ZFP64: variants seen among roughly 807,000 people sequenced by gnomAD.
ZFP64 encodes zinc finger protein 64.
Under a neutral mutation model 51.6 loss-of-function variants are expected in ZFP64, and 14 were observed. The ratio of observed to expected loss-of-function variants is 0.27; its 90% CI spans 0.18 to 0.42. The LOEUF is 0.42. Ranked by LOEUF, ZFP64 falls within the 10% of genes least tolerant of loss-of-function variation. The pLI is 1.00. For synonymous variants in ZFP64, 375 were observed against 361.4 expected, an observed-to-expected ratio of 1.04 and a Z score of -0.43; for missense variants, 754 against 906.8, an observed-to-expected ratio of 0.83 and a Z score of 2.16.
chr20:52,085,491 G>A lies in ZFP64; in HGVS notation c.1229-225C>T, dbSNP rs1774800095. 6.6e-6 allele frequency among the ~76,000 whole-genome samples: 1 copy of A among 152,214 alleles called. No individual in the cohort carries two copies. Among genetic ancestry groups the A allele is most frequent in the Admixed American group, 6.5e-5 (1 of 15,286 alleles). On this transcript the variant is annotated intron_variant, in intron 8 of 8. Transcript: ENST00000361387. This position sits in a 1 kb window ranked among gnomAD's most constrained non-coding sequence, Gnocchi z 4.3. ...TTACAGATGGGACAACTGAGGCTCA[G>A]AGAGGTCAAGTTACTTGGCTCAGGT...
At chr20:52,110,400 T>C (rs897084184) in intron 5 of ZFP64, 1 of 563,884 alleles carries the variant, frequency 1.8e-6, no homozygotes, top group Non-Finnish European at 3.2e-6. Context: ...ATGTTTAAGC[T>C]CTTCTGGAGC....
chr20:52,180,153 T>C (rs1983510024), intron 2 of ZFP64, among the ~76,000 whole-genome samples: 1 of 152,226 alleles, frequency 6.6e-6, no homozygotes, highest in South Asian at 2.1e-4. Flanking sequence ...GGCCTACCTG[T>C]GGGCCAGCCC....
chr20:52,118,895 C>T (rs367601134), intron 5 of ZFP64, among the ~76,000 whole-genome samples: 7 of 152,282 alleles, frequency 4.6e-5, no homozygotes, highest in African/African-American at 1.7e-4. Context: ...GTAATGCCAA[C>T]ACATTGGGAG....
chr20:52,170,222 T>C lies in ZFP64; in HGVS notation c.287-4197A>G, dbSNP rs188963159. ...ATCCCAGCACTTTGGGAGCCTGAGG[T>C]GGGCGGATCATTTGAGGTCAGGAGT... On this transcript the variant is annotated intron_variant, in intron 2 of 5. Coordinates refer to ENST00000216923, the MANE Select transcript of ZFP64 (RefSeq NM_018197.3). 4.5e-3 allele frequency among the ~76,000 whole-genome samples: 681 copies of C among 151,408 alleles called. 10 individuals are homozygous for C. Among genetic ancestry groups the C allele is most frequent in the African/African-American group, 0.016 (640 of 41,258 alleles).
chr20:52,168,930 C>T (rs1982495106), intron 2 of ZFP64, among the ~76,000 whole-genome samples: 1 of 152,188 alleles, frequency 6.6e-6, no homozygotes, highest in Non-Finnish European at 1.5e-5. Context: ...TGTTCACATG[C>T]ACAGCAAGGT....
chr20:52,110,191 G>A (rs931062002), intron 5 of ZFP64, among the ~76,000 whole-genome samples: 3 of 151,966 alleles, frequency 2.0e-5, no homozygotes, highest in Non-Finnish European at 2.9e-5. Context: ...TGGCTACATC[G>A]GCATCAACGT....
At chr20:52,103,002 G>A (rs1051452205) in intron 5 of ZFP64, among the ~76,000 whole-genome samples, 1 of 152,104 alleles carries the variant, frequency 6.6e-6, no homozygotes, top group East Asian at 1.9e-4. Flanking sequence ...GACCCAGATA[G>A]AGCCTCTGAT....
intron 5 of ZFP64, among the ~76,000 whole-genome samples, chr20:52,103,524 C>A (rs1050032204): frequency 3.3e-5 from 5 of 152,202 alleles, no homozygotes; most frequent in Non-Finnish European, 7.3e-5. Flanking sequence ...ACGCACGACA[C>A]CCTCCCCATG....
intron 5 of ZFP64, among the ~76,000 whole-genome samples, chr20:52,118,475 G>C (rs1978996424): frequency 6.6e-6 from 1 of 152,188 alleles, no homozygotes; most frequent in African/African-American, 2.4e-5. Flanking sequence ...CTCCTGAGAA[G>C]AATGAATTCC....
chr20:52,084,590 G>A (rs753074279), exon 9 of ZFP64: 47 of 1,613,736 alleles, frequency 2.9e-5, no homozygotes, highest in Non-Finnish European at 3.8e-5. Flanking sequence ...GGGGAGCCTC[G>A]AGCTGCCCCA....
chr20:52,133,635 C>T (rs1979830015), intron 5 of ZFP64, among the ~76,000 whole-genome samples: 1 of 151,996 alleles, frequency 6.6e-6, no homozygotes, highest in Non-Finnish European at 1.5e-5. Flanking sequence ...AATTAAATAC[C>T]TAGGAATTAA....
At chr20:52,089,700 C>T (rs1008074912) in intron 7 of ZFP64, among the ~76,000 whole-genome samples, 4 of 148,240 alleles carry the variant, frequency 2.7e-5, no homozygotes, top group Non-Finnish European at 5.9e-5. Context: ...CAGATCGTGC[C>T]ACTGCACTCT....
chr20:52,094,669 G>A (rs1198775004), intron 7 of ZFP64, among the ~76,000 whole-genome samples: 2 of 152,132 alleles, frequency 1.3e-5, no homozygotes, highest in East Asian at 1.9e-4. Context: ...AGAGGCATGA[G>A]GATCACTTGA....
chr20:52,176,505 C>T (rs1226834977), intron 2 of ZFP64, among the ~76,000 whole-genome samples: 4 of 136,724 alleles, frequency 2.9e-5, no homozygotes, highest in Non-Finnish European at 4.7e-5. Context: ...TTCAATCTCT[C>T]TTTTTTTTTT....
chr20:52,160,151 C>T lies in ZFP64; in HGVS notation c.735G>A (p.Gln245=), dbSNP rs1262254494. ...TGTGGGATCGCAGGTGGACAGTGAG[C>T]TGGCTGGAGTTGCGGCTGGCGTAGG... The part of the protein sequence containing the change: ...ICPYASRNSS[Q]LTVHLRSHTG... The change falls in exon 5 of 6, where the codon CAG becomes CAA. Residue 245 remains glutamine (Q), a synonymous_variant. Coordinates refer to ENST00000216923, the MANE Select transcript of ZFP64 (RefSeq NM_018197.3). The surrounding 1 kb of genome is among the most constrained non-coding windows in gnomAD (Gnocchi z 4.2). 6.2e-7 allele frequency: 1 copy of T among 1,614,006 alleles called. No homozygotes were observed. The highest frequency in any genetic ancestry group is 1.1e-5 in the South Asian group (1 of 91,070).
In ZFP64 at chr20:52,151,439, G is replaced by A; in HGVS notation, c.*707C>T. 1.0e-6 allele frequency: 1 copy of A among 985,268 alleles called. No individual in the cohort carries two copies. The highest frequency in any genetic ancestry group is 1.2e-6 in the Non-Finnish European group (1 of 829,906). 61.0% of individuals were successfully genotyped at this position (985,268 alleles called of 1,614,324 possible). ...TAAAACATGAACACCCCCAAACTCT[G>A]GGGAGTATTCCAGAATGGGGCAAAA... On this transcript the variant is annotated 3_prime_UTR_variant, in exon 6 of 6. Transcript: ENST00000216923.
intron 5 of ZFP64, among the ~76,000 whole-genome samples, chr20:52,131,223 A>T (rs1979708242): frequency 6.6e-6 from 1 of 151,666 alleles, no homozygotes; most frequent in Non-Finnish European, 1.5e-5. Flanking sequence ...AGAAGAAAGG[A>T]AAAGAAGGAA....
chr20:52,134,025 T>G (rs1481018829), intron 5 of ZFP64, among the ~76,000 whole-genome samples: 1 of 109,942 alleles, frequency 9.1e-6, no homozygotes. Flanking sequence ...TGAGATCCTG[T>G]CTCAAAAAAA....
intron 5 of ZFP64, among the ~76,000 whole-genome samples, chr20:52,157,825 C>T (rs1387861075): frequency 6.6e-6 from 1 of 152,130 alleles, no homozygotes; most frequent in Non-Finnish European, 1.5e-5. Context: ...CCCTAGCCTC[C>T]CACCCCTTGA....
Sources: gnomAD v4.1 joint callset for allele counts (sites outside exome capture counted in the v4.1 genomes callset) on GRCh38, gnomAD v4.1.1 for gene constraint, Gnocchi (gnomAD v3.1) non-coding constraint, MANE v1.5 for transcripts, NCBI Gene and HGNC (gene_info 2026-07-23, HGNC 2026-07-21) for gene names.